The following BNIP5 variants were observed in gnomAD, a reference collection of about 807,000 sequenced individuals.
BNIP5 encodes protein BNIP5.
BNIP5 carries 61 observed loss-of-function variants against 67.3 expected under a neutral mutation model. The observed-to-expected ratio is 0.91, with a 90% CI of 0.74 to 1.12. BNIP5 has a LOEUF of 1.12. Among genes scored for constraint, BNIP5 ranks in the 50% most tolerant of loss-of-function variants. The pLI is 0.00. For missense variants in BNIP5, 826 were observed against 816.3 expected, an observed-to-expected ratio of 1.01 and a Z score of -0.14; for synonymous variants, 317 against 319.0, an observed-to-expected ratio of 0.99 and a Z score of 0.07.
At chr6:36,325,180 G>A (rs1771732607) in intron 6 of BNIP5, 103 bp downstream of exon 6, 1 of 1,310,986 alleles carries the variant, frequency 7.6e-7, no homozygotes, top group Non-Finnish European at 1.1e-6. Flanking sequence ...AGGGAGGTCT[G>A]GACAGGTCAC....
rs150652213 is a variant in BNIP5, at chr6:36,330,465, G to C, written c.226C>G (p.Pro76Ala). The C allele has an allele frequency of 6.2e-7, 1 of 1,614,192 alleles. No homozygotes were observed. The highest frequency in any genetic ancestry group is 2.2e-5 in the East Asian group (1 of 44,880). ...AAATCTCCGGTCTCCTCGGGAGTGG[G>C]GGCTGCAGCGGTGGTGCAGTGAGCC... is the stretch of plus-strand genomic sequence containing the variant. The part of the protein sequence containing the change: ...AEAHCTTAAA[P>A]TPEETGDFLP... The change falls in exon 2 of 12, where the codon CCC becomes GCC. Residue 76 changes from proline to alanine, a missense_variant. Coordinates refer to ENST00000437635, the MANE Select transcript of BNIP5 (RefSeq NM_001010903.5).
intron 11 of BNIP5, among the ~76,000 whole-genome samples, chr6:36,317,993 C>T (rs962939451): frequency 6.6e-6 from 1 of 152,128 alleles, no homozygotes; most frequent in African/African-American, 2.4e-5. Context: ...TAGGAGAAGA[C>T]AGTGAAGCCA....
intron 1 of BNIP5, among the ~76,000 whole-genome samples, chr6:36,332,440 C>G (rs955845853): frequency 1.3e-5 from 2 of 152,194 alleles, no homozygotes; most frequent in Non-Finnish European, 2.9e-5. Flanking sequence ...GTCTGAGTCT[C>G]TCTCCATCTC....
Position 36,328,590 on chromosome 6 carries a change from C to G in BNIP5, c.727+8G>C, listed in dbSNP as rs569783176. 2 of 1,584,002 alleles carry G rather than the reference C, an allele frequency of 1.3e-6. No homozygotes were observed. Among genetic ancestry groups the G allele is most frequent in the South Asian group, 2.2e-5 (2 of 90,510 alleles). On this transcript the variant is annotated splice_region_variant and intron_variant, in intron 3 of 11. Coordinates refer to ENST00000437635, the MANE Select transcript of BNIP5 (RefSeq NM_001010903.5). ...CAGGCAAAAAGGTCACTAGAGATTC[C>G]GACTCACGGTCAGGCTTTTTGAGCT...
intron 8 of BNIP5, 149 bp downstream of exon 8, chr6:36,323,144 C>T (rs1582125388): frequency 1.7e-6 from 2 of 1,145,440 alleles, no homozygotes; most frequent in Non-Finnish European, 2.4e-6. Flanking sequence ...CCACACCCCC[C>T]ACTCTACTCA....
intron 2 of BNIP5, among the ~76,000 whole-genome samples, chr6:36,329,835 GAGAGAGAA>G (rs989240223): frequency 4.5e-4 from 68 of 150,504 alleles, no homozygotes; most frequent in Non-Finnish European, 1.6e-4. Flanking sequence ...AAGGAAGAGA[GAGAGAGAA>G]AGAGAGAAAG....
In BNIP5 at chr6:36,319,614, G is replaced by C. The variant is rs190406294; in HGVS notation, c.1669-4C>G. On this transcript the variant is annotated splice_polypyrimidine_tract_variant and splice_region_variant and intron_variant, in intron 10 of 11. Coordinates refer to ENST00000437635, the MANE Select transcript of BNIP5 (RefSeq NM_001010903.5). The stretch of plus-strand genomic sequence containing the variant: ...TAAAGCTGGGGTGGCGCCTGATCTG[G>C]AAGTGGAAATGAAAACAGGTCATTA... 5.8e-5 allele frequency: 94 copies of C among 1,608,360 alleles called. No individual in the cohort carries two copies. The highest frequency in any genetic ancestry group is 1.2e-4 in the South Asian group (11 of 90,928).
At position 36,326,416 on chromosome 6, in the gene BNIP5, C is replaced by T. The variant is rs866094766; in HGVS notation, c.1036+94G>A. On this transcript the variant is annotated intron_variant, in intron 5 of 11. Transcript: ENST00000437635. ...AGTGCAAAAGTCAGACCAGGCACAACGCAACCTTTAAAATGGTCAATTCCA... is the reference window on the plus strand; with the variant it reads ...AGTGCAAAAGTCAGACCAGGCACAATGCAACCTTTAAAATGGTCAATTCCA... 1.9e-4 allele frequency: 282 copies of T among 1,500,080 alleles called. No homozygotes were observed. In the Middle Eastern group the frequency reaches 2.5e-3, roughly 13 times the overall value. The allele number at this position is 1,500,080 out of a possible 1,614,324, so 92.9% of individuals were successfully genotyped here.
intron 7 of BNIP5, 105 bp downstream of exon 7, chr6:36,324,024 T>C (rs1305651799): frequency 1.2e-6 from 1 of 819,534 alleles, no homozygotes; most frequent in Non-Finnish European, 2.1e-6. Context: ...AAGGAGGGAC[T>C]GGAGCAGGAC....
In BNIP5 at chr6:36,330,433, G is replaced by A; in HGVS notation, c.258C>T (p.Pro86=). Residue 86 remains proline (P), a synonymous_variant, in exon 2 of 12, where the codon CCC becomes CCT. Transcript: ENST00000437635. ...PTPEETGDFL[P]SEQRPSQDTK... ...TGTCTTGCGAAGGCCTCTGCTCGCT[G>A]GGGAGAAAATCTCCGGTCTCCTCGG... is the stretch of plus-strand genomic sequence containing the variant. 6.2e-7 allele frequency: 1 copy of A among 1,614,178 alleles called. No homozygotes were observed. The highest frequency in any genetic ancestry group is 8.5e-7 in the Non-Finnish European group (1 of 1,180,038).
chr6:36,324,284 T>A, intron 6 of BNIP5, 94 bp from the exon 7 acceptor site: 7 of 1,129,436 alleles, frequency 6.2e-6, no homozygotes, highest in Non-Finnish European at 9.4e-6. Flanking sequence ...GCTCCCTGGG[T>A]GATTCTCCAA....
At position 36,316,286 on chromosome 6, in the gene BNIP5, G is replaced by A; in HGVS notation, c.*1070C>T. 2.6e-6 allele frequency: 1 copy of A among 386,790 alleles called. No homozygotes were observed. Among genetic ancestry groups the A allele is most frequent in the Non-Finnish European group, 4.6e-6 (1 of 219,004 alleles). 24.0% of individuals were successfully genotyped at this position (386,790 alleles called of 1,614,324 possible). A position where few individuals can be genotyped will look rare whatever the true frequency, so the allele number is the denominator to read the frequency against. The stretch of plus-strand genomic sequence containing the variant: ...CAAGGGAGCCGACTGTCTGTCTACA[G>A]TCTTGTCCTTCCTGCACATAGATAT... On this transcript the variant is annotated 3_prime_UTR_variant, in exon 12 of 12. Transcript: ENST00000437635.
chr6:36,330,494 G>T lies in BNIP5; in HGVS notation c.197C>A (p.Ala66Glu), dbSNP rs1466269229. The T allele has an allele frequency of 6.2e-7, 1 of 1,614,142 alleles. No individual in the cohort carries two copies. The highest frequency in any genetic ancestry group is 1.1e-5 in the South Asian group (1 of 91,076). ...TGCAGCGGTGGTGCAGTGAGCCTCT[G>T]CAGATGGAGCTGGGCTGTCTGAATG... Reference protein sequence around the residue: ...ARHSDSPAPSAEAHCTTAAAP... With the variant: ...ARHSDSPAPSEEAHCTTAAAP... The change falls in exon 2 of 12, where the codon GCA becomes GAA. Residue 66 changes from alanine to glutamate, a missense_variant. Transcript: ENST00000437635.
At chr6:36,322,273 C>T (rs376629163) in intron 9 of BNIP5, 38 bp downstream of exon 9, 41 of 1,612,336 alleles carry the variant, frequency 2.5e-5, no homozygotes, top group African/African-American at 2.3e-4. Flanking sequence ...GAGAAGCACC[C>T]GGGAAGCTGT....
chr6:36,322,161 G>A, intron 9 of BNIP5, 150 bp downstream of exon 9: 2 of 951,644 alleles, frequency 2.1e-6, no homozygotes, highest in Non-Finnish European at 1.7e-6. Context: ...CCAAGCCTGT[G>A]CCCCCTGCCC....
At chr6:36,321,927 G>A (rs1224553060) in intron 9 of BNIP5, among the ~76,000 whole-genome samples, 1 of 152,168 alleles carries the variant, frequency 6.6e-6, no homozygotes, top group Admixed American at 6.5e-5. Context: ...ATCAGCCAAA[G>A]TAAAAATATT....
chr6:36,319,594 C>G lies in BNIP5; in HGVS notation c.1685G>C (p.Ser562Thr). 6.2e-7 allele frequency: 1 copy of G among 1,612,130 alleles called. No individual in the cohort carries two copies. Among genetic ancestry groups the G allele is most frequent in the Non-Finnish European group, 8.5e-7 (1 of 1,178,344 alleles). The change falls in exon 11 of 12, where the codon AGC becomes ACC. Residue 562 changes from serine (S) to threonine (T), a missense_variant. Coordinates refer to ENST00000437635, the MANE Select transcript of BNIP5 (RefSeq NM_001010903.5). ...GAACTCGTAAAAAAACCTCTTAAAGCTGGGGTGGCGCCTGATCTGGAAGTG... is the reference window on the plus strand; with the variant it reads ...GAACTCGTAAAAAAACCTCTTAAAGGTGGGGTGGCGCCTGATCTGGAAGTG... The part of the protein sequence containing the change: ...QLGQQIRRHP[S>T]FKRFFYEFSD...
chr6:36,324,277 C>T, intron 6 of BNIP5, 87 bp from the exon 7 acceptor site: 1 of 1,217,716 alleles, frequency 8.2e-7, no homozygotes, highest in Non-Finnish European at 1.2e-6. Context: ...CCCGGTGGCT[C>T]CCTGGGTGAT....
At chr6:36,320,297 G>A (rs993486422) in intron 10 of BNIP5, among the ~76,000 whole-genome samples, 5 of 152,298 alleles carry the variant, frequency 3.3e-5, no homozygotes, top group East Asian at 1.9e-4. Context: ...GCGGCCCAGG[G>A]GGTGGCAACT....
Sources: gnomAD v4.1 joint callset for allele counts (sites outside exome capture counted in the v4.1 genomes callset) on GRCh38, gnomAD v4.1.1 for gene constraint, MANE v1.5 for transcripts, NCBI Gene and HGNC (gene_info 2026-07-23, HGNC 2026-07-21) for gene names.